SORCS2: variants seen among roughly 807,000 people sequenced by gnomAD.
The protein encoded by SORCS2 is sortilin related VPS10 domain containing receptor 2.
Under a neutral mutation model 141.6 loss-of-function variants are expected in SORCS2, and 100 were observed. That is an observed-to-expected ratio of 0.71 (90% confidence interval 0.60 to 0.83). The LOEUF (loss-of-function observed/expected upper bound fraction) is 0.83. Among genes scored for constraint, SORCS2 ranks in the 40% least tolerant of loss-of-function variants. SORCS2 has a pLI of 0.00. For synonymous variants in SORCS2, 789 were observed against 676.9 expected (o/e 1.17, Z -2.57); for missense variants, 1,646 against 1,560.2 (o/e 1.05, Z -0.93).
intron 1 of SORCS2, among the ~76,000 whole-genome samples, chr4:7,239,909 C>T (rs994313943): frequency 3.3e-5 from 5 of 152,160 alleles, no homozygotes; most frequent in African/African-American, 4.8e-5. Context: ...GGAAGGTGGA[C>T]GTTGTTCCTG....
intron 14 of SORCS2, among the ~76,000 whole-genome samples, chr4:7,709,670 C>T (rs1305688746): frequency 2.0e-5 from 3 of 152,228 alleles, no homozygotes; most frequent in African/African-American, 7.2e-5. Context: ...AGAGTTCCCA[C>T]AGCCACAGGC....
chr4:7,441,058 G>A (rs1431239891), intron 2 of SORCS2, among the ~76,000 whole-genome samples: 1 of 152,156 alleles, frequency 6.6e-6, no homozygotes, highest in African/African-American at 2.4e-5. Context: ...AAGCAGGTGT[G>A]AGCTCAGCAC....
chr4:7,453,625 GCTGTGTTGGGGTCAGGCA>G (rs1471141027), intron 2 of SORCS2, among the ~76,000 whole-genome samples: 9 of 125,148 alleles, frequency 7.2e-5, no homozygotes, highest in Admixed American at 7.1e-4. Flanking sequence ...GGGGTCAGGT[GCTGTGTTGGGGTCAGGCA>G]CTGTGTTGGG....
chr4:7,455,060 T>C (rs1728794706), intron 2 of SORCS2, among the ~76,000 whole-genome samples: 1 of 111,624 alleles, frequency 9.0e-6, no homozygotes, highest in South Asian at 4.4e-4. Flanking sequence ...GGTCAGATGC[T>C]GTGTTGGGGT....
chr4:7,624,997 A>G (rs986651472), intron 3 of SORCS2, among the ~76,000 whole-genome samples: 1 of 152,228 alleles, frequency 6.6e-6, no homozygotes, highest in African/African-American at 2.4e-5. Context: ...ATGATGAGTT[A>G]TTTTATATGC....
rs61638263 is a variant in SORCS2, at chr4:7,439,184, G to GTA, written c.548+42842_548+42843dup. Reference sequence around the variant, plus strand: ...GAGGAAGGAAGGAAGGAAGGAGTTTGTATATATATATATACAAACACACAC... The same window carrying GTA: ...GAGGAAGGAAGGAAGGAAGGAGTTTGTATATATATATATATACAAACACACAC... On this transcript the variant is annotated intron_variant, in intron 2 of 26. Coordinates refer to ENST00000507866, the MANE Select transcript of SORCS2 (RefSeq NM_020777.3). Among the ~76,000 whole-genome samples, 207 of 150,834 alleles carry GTA rather than the reference G, an allele frequency of 1.4e-3. 2 individuals carry two copies. Among genetic ancestry groups the GTA allele is most frequent in the African/African-American group, 8.8e-4 (36 of 40,942 alleles).
intron 2 of SORCS2, among the ~76,000 whole-genome samples, chr4:7,428,876 G>T (rs57156784): frequency 6.6e-6 from 1 of 152,120 alleles, no homozygotes; most frequent in Admixed American, 6.5e-5. Context: ...TAGACAGGAG[G>T]GGGTGGTGGC....
At chr4:7,260,589 G>A (rs995644117) in intron 1 of SORCS2, among the ~76,000 whole-genome samples, 2 of 152,236 alleles carry the variant, frequency 1.3e-5, no homozygotes, top group Non-Finnish European at 2.9e-5. Flanking sequence ...ATCATGGGCT[G>A]TGTTGGAGGT....
In SORCS2 at chr4:7,714,454, G is replaced by A. The variant is rs1726053604; in HGVS notation, c.2123+81G>A. ...GCATGGCGGCCACTTCCCTCAGAGT[G>A]AGGGAGGAAGCCTCAGCGCCTTTTA... On this transcript the variant is annotated intron_variant, in intron 16 of 26. Coordinates refer to ENST00000507866, the MANE Select transcript of SORCS2 (RefSeq NM_020777.3). 6.1e-6 allele frequency: 9 copies of A among 1,466,354 alleles called. No homozygotes were observed. In the South Asian group the frequency reaches 7.6e-5, roughly 12 times the overall value. 90.8% of individuals were successfully genotyped at this position (1,466,354 alleles called of 1,614,324 possible).
At chr4:7,322,412 C>G (rs923520514) in intron 1 of SORCS2, among the ~76,000 whole-genome samples, 1 of 152,226 alleles carries the variant, frequency 6.6e-6, no homozygotes, top group African/African-American at 2.4e-5. Flanking sequence ...AGCCTGCTCT[C>G]ACTTTCCCGG....
intron 8 of SORCS2, among the ~76,000 whole-genome samples, chr4:7,670,611 C>G (rs2108937823): frequency 6.6e-6 from 1 of 152,298 alleles, no homozygotes; most frequent in South Asian, 2.1e-4. Context: ...CGGGCAGAAC[C>G]CATCCAGTGT....
At position 7,682,833 on chromosome 4, in the gene SORCS2, G is replaced by A; in HGVS notation, c.1432G>A (p.Asp478Asn). 2 of 1,613,310 alleles carry A rather than the reference G, an allele frequency of 1.2e-6. No individual in the cohort carries two copies. Among genetic ancestry groups the A allele is most frequent in the Middle Eastern group, 1.7e-4 (1 of 6,060 alleles). ...LITYNKGRDW[D>N]YLRPPSMDMN... Reference sequence around the variant, plus strand: ...AACCTACAACAAGGGCCGCGACTGGGATTACCTGAGGCCACCCAGCATGGA... The same window carrying A: ...AACCTACAACAAGGGCCGCGACTGGAATTACCTGAGGCCACCCAGCATGGA... The change falls in exon 10 of 27, where the codon GAT becomes AAT. Residue 478 changes from aspartate to asparagine, a missense_variant. Coordinates refer to ENST00000507866, the MANE Select transcript of SORCS2 (RefSeq NM_020777.3).
At chr4:7,636,491 T>C (rs553521086) in intron 3 of SORCS2, among the ~76,000 whole-genome samples, 16 of 152,280 alleles carry the variant, frequency 1.1e-4, no homozygotes, top group South Asian at 4.2e-4. Flanking sequence ...ATTCCATGGC[T>C]GTGCGACCTC....
At chr4:7,604,336 G>A (rs1717921932) in intron 3 of SORCS2, among the ~76,000 whole-genome samples, 1 of 152,316 alleles carries the variant, frequency 6.6e-6, no homozygotes, top group African/African-American at 2.4e-5. Flanking sequence ...GTTTGTTTTT[G>A]AGACGGAGTC....
intron 2 of SORCS2, among the ~76,000 whole-genome samples, chr4:7,412,571 C>T (rs1241926202): frequency 1.3e-5 from 2 of 152,050 alleles, no homozygotes; most frequent in Non-Finnish European, 2.9e-5. Flanking sequence ...CCTGAAATGT[C>T]GGGTGATGAT....
intron 1 of SORCS2, among the ~76,000 whole-genome samples, chr4:7,238,824 T>C (rs1712479042): frequency 6.6e-6 from 1 of 152,166 alleles, no homozygotes; most frequent in African/African-American, 2.4e-5. Flanking sequence ...ACGGCCTCCC[T>C]GGGTTGGGCT....
intron 2 of SORCS2, among the ~76,000 whole-genome samples, chr4:7,462,152 G>A (rs780525596): frequency 3.9e-4 from 59 of 152,336 alleles, no homozygotes; most frequent in African/African-American, 6.7e-4. Flanking sequence ...CCTGGGCTCC[G>A]AGGTGGGGAG....
intron 1 of SORCS2, among the ~76,000 whole-genome samples, chr4:7,194,484 A>G (rs1418726961): frequency 1.3e-5 from 2 of 152,180 alleles, no homozygotes; most frequent in Admixed American, 1.3e-4. Context: ...CCAGCTCCCC[A>G]ACCAGCCAGC....
At chr4:7,582,560 G>C (rs893480783) in intron 3 of SORCS2, among the ~76,000 whole-genome samples, 11 of 152,126 alleles carry the variant, frequency 7.2e-5, no homozygotes, top group Non-Finnish European at 1.5e-4. Flanking sequence ...ACCTGCTTCT[G>C]GCTCGGGGTT....
Sources: allele counts gnomAD v4.1 joint callset (sites outside exome capture counted in the v4.1 genomes callset), GRCh38; gene constraint gnomAD v4.1.1; transcripts MANE v1.5; gene names NCBI Gene and HGNC (gene_info 2026-07-23, HGNC 2026-07-21).